The following HNF1B variants were observed in gnomAD, a reference collection of about 807,000 sequenced individuals.
The protein encoded by HNF1B is hepatocyte nuclear factor 1-beta.
In HNF1B, 8 loss-of-function variants were observed where a neutral mutation model predicts 61.7. The ratio of observed to expected loss-of-function variants is 0.13; its 90% confidence interval spans 0.08 to 0.23. The LOEUF (loss-of-function observed/expected upper bound fraction) is 0.23, where lower values mean the gene tolerates loss of function less well. HNF1B is among the 10% of genes least tolerant of loss of function. HNF1B has a pLI of 1.00. For missense variants in HNF1B, 562 were observed against 714.5 expected, an observed-to-expected ratio of 0.79 and a Z score of 2.43; for synonymous variants, 314 against 287.7, an observed-to-expected ratio of 1.09 and a Z score of -0.93.
intron 4 of HNF1B, among the ~76,000 whole-genome samples, chr17:37,721,189 G>A (rs148173243): frequency 7.4e-4 from 113 of 152,228 alleles, no homozygotes; most frequent in East Asian, 5.0e-3. Context: ...TAGGTGTCTC[G>A]TTTATACCCA....
At chr17:37,716,508 G>A (rs1299137074) in intron 4 of HNF1B, among the ~76,000 whole-genome samples, 1 of 152,202 alleles carries the variant, frequency 6.6e-6, no homozygotes, top group Non-Finnish European at 1.5e-5. Flanking sequence ...CTCAAGTGTT[G>A]TGTTTTTAAT....
chr17:37,725,618 A>G (rs1174633312), intron 4 of HNF1B, among the ~76,000 whole-genome samples: 1 of 152,254 alleles, frequency 6.6e-6, no homozygotes, highest in Admixed American at 6.5e-5. Flanking sequence ...ACCTCAAGTC[A>G]GTATGAATGT....
At chr17:37,697,152 G>T (rs1364468212) in intron 8 of HNF1B, among the ~76,000 whole-genome samples, 1 of 152,066 alleles carries the variant, frequency 6.6e-6, no homozygotes, top group East Asian at 1.9e-4. Flanking sequence ...TTCATCTCTG[G>T]GTTTTAGTTT....
chr17:37,698,928 G>A (rs1032468726), intron 8 of HNF1B, 148 bp downstream of exon 8: 1 of 711,032 alleles, frequency 1.4e-6, no homozygotes. Flanking sequence ...TTTTGCCCTG[G>A]GACCTTAAGG....
At position 37,686,816 on chromosome 17, in the gene HNF1B, T is replaced by C. The variant is rs1165425340; in HGVS notation, c.*556A>G. ...AAAACTAATAGACACTTTAGTATTA[T>C]ATACAGGGCAGAGGGGAGAGGACAC... On this transcript the variant is annotated 3_prime_UTR_variant, in exon 9 of 9. Coordinates refer to ENST00000617811, the MANE Select transcript of HNF1B (RefSeq NM_000458.4). The C allele has an allele frequency of 4.4e-6, 1 of 224,908 alleles. No individual in the cohort carries two copies. The highest frequency in any genetic ancestry group is 8.9e-6 in the Non-Finnish European group (1 of 112,158). The allele number at this position is 224,908 out of a possible 1,614,324, so 13.9% of individuals were successfully genotyped here. A position where few individuals can be genotyped will look rare whatever the true frequency, so the allele number is the denominator to read the frequency against.
At chr17:37,718,938 G>GTT (rs1300331743) in intron 4 of HNF1B, among the ~76,000 whole-genome samples, 5 of 152,042 alleles carry the variant, frequency 3.3e-5, no homozygotes, top group Non-Finnish European at 7.4e-5. Context: ...AAATCTCCCA[G>GTT]TTTTTCTTTT....
chr17:37,702,087 G>A (rs2147450013), intron 6 of HNF1B, among the ~76,000 whole-genome samples: 1 of 152,292 alleles, frequency 6.6e-6, no homozygotes, highest in Non-Finnish European at 1.5e-5. Context: ...GGACGATCAG[G>A]AGAGAAGACA....
In HNF1B at chr17:37,705,029, ACCT is replaced by A; in HGVS notation, c.1224_1226del (p.Gly409del). ...TCGTCAAGGTGCTGACTGGGGGCAAACCTCCTCCTGAGACTGAGATCTGATGGA... is the reference window on the plus strand; with the variant it reads ...TCGTCAAGGTGCTGACTGGGGGCAAACCTCCTGAGACTGAGATCTGATGGA... On this transcript the variant is annotated inframe_deletion, in exon 6 of 9. Transcript: ENST00000617811. 1 of 1,613,850 alleles carries A rather than the reference ACCT, an allele frequency of 6.2e-7. No individual in the cohort carries two copies. The highest frequency in any genetic ancestry group is 1.3e-5 in the African/African-American group (1 of 74,958).
In HNF1B at chr17:37,731,602, C is replaced by T; in HGVS notation, c.1038G>A (p.Lys346=). The change falls in exon 4 of 9, where the codon AAG becomes AAA. Residue 346 remains lysine (K), a synonymous_variant. Transcript: ENST00000617811. The stretch of plus-strand genomic sequence containing the variant: ...GGCCCAACCTTTGCTTACCTGACAG[C>T]TTGTTTGGAGGAGAGGAGCTGGGCT... ...HHQPSSSPPN[K]LSGVRYSQQG... is the part of the protein sequence containing the mutation. 1.2e-6 allele frequency: 2 copies of T among 1,612,004 alleles called. No homozygotes were observed. The highest frequency in any genetic ancestry group is 1.7e-6 in the Non-Finnish European group (2 of 1,179,002).
chr17:37,723,201 G>T (rs1400032485), intron 4 of HNF1B, among the ~76,000 whole-genome samples: 1 of 151,732 alleles, frequency 6.6e-6, no homozygotes, highest in East Asian at 1.9e-4. Context: ...CAAAAAATTA[G>T]CCGGGCGTGG....
intron 4 of HNF1B, among the ~76,000 whole-genome samples, chr17:37,720,444 T>C (rs1299769313): frequency 6.6e-6 from 1 of 151,880 alleles, no homozygotes; most frequent in Non-Finnish European, 1.5e-5. Flanking sequence ...ACTTAAGCAG[T>C]GTTAATAGGG....
intron 8 of HNF1B, among the ~76,000 whole-genome samples, chr17:37,694,555 G>C (rs1442417949): frequency 6.6e-6 from 1 of 151,436 alleles, no homozygotes; most frequent in Non-Finnish European, 1.5e-5. Flanking sequence ...GAAGATGAAG[G>C]AAAGTTTAGA....
At chr17:37,720,508 C>CAT (rs754776125) in intron 4 of HNF1B, among the ~76,000 whole-genome samples, 20 of 151,376 alleles carry the variant, frequency 1.3e-4, no homozygotes, top group African/African-American at 4.1e-4. Flanking sequence ...TTTATATATA[C>CAT]ATATATATAT....
chr17:37,738,797 C>G (rs945654598), intron 2 of HNF1B, among the ~76,000 whole-genome samples: 8 of 152,142 alleles, frequency 5.3e-5, no homozygotes, highest in Non-Finnish European at 1.2e-4. Flanking sequence ...AATGCAGATG[C>G]TTTTCCTGTG....
At chr17:37,710,397 T>G in intron 5 of HNF1B, 106 bp downstream of exon 5, 1 of 1,429,336 alleles carries the variant, frequency 7.0e-7, no homozygotes, top group Non-Finnish European at 9.9e-7. Flanking sequence ...TTTTCCCCTA[T>G]GGGGCTACAA....
intron 3 of HNF1B, among the ~76,000 whole-genome samples, chr17:37,732,830 GTTGTTTTTTTGTTTTT>G (rs987821081): frequency 2.1e-5 from 3 of 145,598 alleles, no homozygotes; most frequent in Non-Finnish European, 3.0e-5. Flanking sequence ...ATAACACAGA[GTTGTTTTTTTGTTTTT>G]TTGTTTTTTT....
intron 4 of HNF1B, chr17:37,728,815 T>G (rs1398238098): frequency 2.0e-5 from 3 of 152,798 alleles, no homozygotes; most frequent in African/African-American, 7.2e-5. Context: ...CCTGGCAGCC[T>G]GAGGTGGGGA....
At chr17:37,694,165 C>T (rs1402531382) in intron 8 of HNF1B, among the ~76,000 whole-genome samples, 1 of 152,168 alleles carries the variant, frequency 6.6e-6, no homozygotes, top group East Asian at 1.9e-4. Flanking sequence ...CAGTGGCTCA[C>T]GCCTGTAATC....
At chr17:37,741,245 A>G (rs921607679) in intron 1 of HNF1B, among the ~76,000 whole-genome samples, 9 of 152,362 alleles carry the variant, frequency 5.9e-5, no homozygotes, top group Non-Finnish European at 1.3e-4. Context: ...TTAATGAATA[A>G]AAATCCAGTA....
Sources: allele counts gnomAD v4.1 joint callset (sites outside exome capture counted in the v4.1 genomes callset), GRCh38; gene constraint gnomAD v4.1.1; transcripts MANE v1.5; gene names NCBI Gene and HGNC (gene_info 2026-07-23, HGNC 2026-07-21).